The following LCA5L variants were observed in gnomAD, a reference collection of about 807,000 sequenced individuals.
LCA5L encodes the protein lebercilin LCA5 like, also known as lebercilin-like protein.
Under a neutral mutation model 45.4 loss-of-function variants are expected in LCA5L, and 35 were observed. The observed-to-expected ratio is 0.77, with a 90% CI of 0.59 to 1.02. The LOEUF (loss-of-function observed/expected upper bound fraction) is 1.02, where lower values mean the gene tolerates loss of function less well. Among genes scored for constraint, LCA5L ranks in the 50% least tolerant of loss-of-function variants. The pLI, the probability that LCA5L is intolerant of heterozygous loss-of-function variation, is 0.00. For synonymous variants in LCA5L, 233 were observed against 264.7 expected (o/e 0.88, Z 1.16); for missense variants, 668 against 761.6 (o/e 0.88, Z 1.45).
rs536651336 is a variant in LCA5L at position 39,412,785 on chromosome 21, C to T, written c.976-983G>A. 9.9e-4 allele frequency among the ~76,000 whole-genome samples: 151 copies of T among 152,302 alleles called. 6 individuals are homozygous for T. The South Asian group carries it at 0.027, about 27-fold the overall frequency. On this transcript the variant is annotated intron_variant, in intron 7 of 10. Coordinates refer to ENST00000288350, the MANE Select transcript of LCA5L (RefSeq NM_152505.4). ...GGAAAATTGCAAGCCCCTTAAAAAGCGCCTCCCCCGCCGCCCCATTCATCA... is the reference window on the plus strand; with the variant it reads ...GGAAAATTGCAAGCCCCTTAAAAAGTGCCTCCCCCGCCGCCCCATTCATCA...
At chr21:39,437,111 T>C (rs182108943) in intron 2 of LCA5L, among the ~76,000 whole-genome samples, 1 of 152,318 alleles carries the variant, frequency 6.6e-6, no homozygotes, top group East Asian at 1.9e-4. Flanking sequence ...CGGATGCCTC[T>C]GTGCTTAATT....
Position 39,423,432 on chromosome 21 carries a change from A to G in LCA5L, c.381T>C (p.Ser127=). Residue 127 remains serine (S), a synonymous_variant, in exon 6 of 11, where the codon TCT becomes TCC. Transcript: ENST00000288350. ...KHTWNASLFN[S]QIHMIAQRRD... ...TTCTTTGGGCAATCATATGGATTTG[A>G]GAATTAAAGAGTGATGCATTCCAGG... 1 of 1,594,710 alleles carries G rather than the reference A, an allele frequency of 6.3e-7. No individual in the cohort carries two copies.
At chr21:39,415,766 CTTA>C (rs1391146671) in intron 7 of LCA5L, among the ~76,000 whole-genome samples, 2 of 152,214 alleles carry the variant, frequency 1.3e-5, no homozygotes. Context: ...ACTCTCACCT[CTTA>C]TTTTTTCTGC....
intron 2 of LCA5L, among the ~76,000 whole-genome samples, chr21:39,440,881 T>C (rs1420430597): frequency 1.3e-5 from 2 of 152,252 alleles, no homozygotes; most frequent in Admixed American, 6.5e-5. Context: ...AAAGCTCTTC[T>C]CTAAGCTTAT....
chr21:39,417,536 A>G (rs954192282), intron 7 of LCA5L, among the ~76,000 whole-genome samples: 2 of 152,076 alleles, frequency 1.3e-5, no homozygotes, highest in Non-Finnish European at 2.9e-5. Context: ...TGCTTCCTTT[A>G]TCTTAAATAG....
chr21:39,415,920 GT>G (rs773988756), intron 7 of LCA5L, among the ~76,000 whole-genome samples: 6 of 152,082 alleles, frequency 3.9e-5, no homozygotes, highest in Non-Finnish European at 8.8e-5. Flanking sequence ...CTGTAACTAG[GT>G]TTAGGTTCGG....
At chr21:39,418,908 T>G (rs534719129) in intron 7 of LCA5L, among the ~76,000 whole-genome samples, 4 of 152,316 alleles carry the variant, frequency 2.6e-5, no homozygotes, top group East Asian at 1.9e-4. Context: ...GTGTGTGTGT[T>G]TGCTGTGACC....
intron 6 of LCA5L, among the ~76,000 whole-genome samples, chr21:39,421,206 G>T (rs546241227): frequency 8.0e-5 from 12 of 150,842 alleles, no homozygotes; most frequent in African/African-American, 2.7e-4. Context: ...GGGTTCAAAC[G>T]ATTCTCCTGC....
chr21:39,406,687 C>A, intron 10 of LCA5L, 75 bp from the exon 11 acceptor site: 1 of 1,088,828 alleles, frequency 9.2e-7, no homozygotes, highest in Non-Finnish European at 1.3e-6. Context: ...ATGTCTAGTA[C>A]ACTTACGTGC....
At chr21:39,421,364 G>A (rs1481614738) in intron 6 of LCA5L, among the ~76,000 whole-genome samples, 2 of 152,136 alleles carry the variant, frequency 1.3e-5, no homozygotes, top group South Asian at 2.1e-4. Flanking sequence ...CTGGTATTAC[G>A]GGCGAGAGGC....
intron 7 of LCA5L, among the ~76,000 whole-genome samples, chr21:39,419,244 G>C (rs1259238967): frequency 6.6e-6 from 1 of 152,116 alleles, no homozygotes; most frequent in Non-Finnish European, 1.5e-5. Flanking sequence ...TAAAGATCAG[G>C]CTGGGTGTGG....
At chr21:39,433,893 T>C (rs1163824716) in intron 3 of LCA5L, among the ~76,000 whole-genome samples, 1 of 149,816 alleles carries the variant, frequency 6.7e-6, no homozygotes, top group Non-Finnish European at 1.5e-5. Flanking sequence ...GCCTCCCAAG[T>C]AGCTGGACTA....
Position 39,406,235 on chromosome 21 carries a change from T to C in LCA5L, c.1660A>G (p.Ser554Gly). 1.9e-6 allele frequency: 3 copies of C among 1,614,252 alleles called. No homozygotes were observed. Among genetic ancestry groups the C allele is most frequent in the Non-Finnish European group, 2.5e-6 (3 of 1,180,046 alleles). Residue 554 changes from serine to glycine, a missense_variant, in exon 11 of 11, where the codon AGT becomes GGT. Transcript: ENST00000288350. ...CTGTTACTGAGATGCTTGCCTGTAC[T>C]ATGACTGTACCTCATGTTGCCGGCA... is the stretch of plus-strand genomic sequence containing the variant. Reference protein sequence around the residue: ...ANAGNMRYSHSTGKHLSNREE... With the variant: ...ANAGNMRYSHGTGKHLSNREE...
intron 2 of LCA5L, among the ~76,000 whole-genome samples, chr21:39,442,203 G>A (rs1481400128): frequency 1.3e-5 from 2 of 152,156 alleles, no homozygotes; most frequent in Non-Finnish European, 2.9e-5. Flanking sequence ...TGAGAGGGAG[G>A]AGGGAAAAAC....
chr21:39,427,579 G>A (rs1372251777), intron 5 of LCA5L, among the ~76,000 whole-genome samples: 5 of 151,136 alleles, frequency 3.3e-5, no homozygotes, highest in African/African-American at 9.7e-5. Context: ...GGAGAATGGC[G>A]TGAACCCGGG....
chr21:39,422,823 GC>G (rs1293903150), intron 6 of LCA5L, 152 bp downstream of exon 6: 2 of 705,930 alleles, frequency 2.8e-6, no homozygotes, highest in Non-Finnish European at 4.7e-6. Flanking sequence ...CCCTTTCTGT[GC>G]CCTCTATTAG....
intron 2 of LCA5L, chr21:39,438,793 T>C (rs34532208): frequency 6.6e-6 from 1 of 152,224 alleles, no homozygotes; most frequent in Non-Finnish European, 1.5e-5. Context: ...ATACTGATAA[T>C]GCATATTATA....
In LCA5L at chr21:39,422,982, T is replaced by C; in HGVS notation, c.831A>G (p.Lys277=). Residue 277 remains lysine, a synonymous_variant, in exon 6 of 11, where the codon AAA becomes AAG. Transcript: ENST00000288350. The part of the protein sequence containing the change: ...ITTKMDANDK[K]IQSLEKQLRL... ...GGGCCCCTGAAATACAGACCTGTAT[T>C]TTTTTGTCATTTGCGTCCATTTTTG... 6.2e-7 allele frequency: 1 copy of C among 1,613,338 alleles called. No individual in the cohort carries two copies. Among genetic ancestry groups the C allele is most frequent in the Non-Finnish European group, 8.5e-7 (1 of 1,179,818 alleles).
In LCA5L at chr21:39,409,949, A is replaced by G. The variant is rs192100182; in HGVS notation, c.1282+30T>C. 7 of 1,229,752 alleles carry G rather than the reference A, an allele frequency of 5.7e-6. No individual in the cohort carries two copies. The African/African-American group carries it at 6.0e-5, about 11-fold the overall frequency. The allele number at this position is 1,229,752 out of a possible 1,614,324, so 76.2% of individuals were successfully genotyped here. On this transcript the variant is annotated intron_variant, in intron 10 of 10. Coordinates refer to ENST00000288350, the MANE Select transcript of LCA5L (RefSeq NM_152505.4). The surrounding 1 kb of genome is among the most constrained non-coding windows in gnomAD (Gnocchi z 4.2). ...TAATTCACAATTTTAAAGAAATCAG[A>G]TAAGATAGACTTTAAAGAGTTAAAA...
Sources: gnomAD v4.1 joint callset for allele counts (sites outside exome capture counted in the v4.1 genomes callset) on GRCh38, gnomAD v4.1.1 for gene constraint, Gnocchi (gnomAD v3.1) non-coding constraint, MANE v1.5 for transcripts, NCBI Gene and HGNC (gene_info 2026-07-23, HGNC 2026-07-21) for gene names.